RBFOX1: variants seen among roughly 807,000 people sequenced by gnomAD.
RBFOX1 encodes RNA binding fox-1 homolog 1.
A neutral mutation model predicts 57.7 loss-of-function variants in RBFOX1; 8 were observed. The ratio of observed to expected loss-of-function variants is 0.14; its 90% confidence interval spans 0.08 to 0.25. The LOEUF (loss-of-function observed/expected upper bound fraction) is 0.25, where lower values mean the gene tolerates loss of function less well. Ranked by LOEUF, RBFOX1 falls within the 10% of genes least tolerant of loss-of-function variation. RBFOX1 has a pLI of 1.00. For missense variants in RBFOX1, 611 were observed against 548.5 expected (o/e 1.11, Z -1.14); for synonymous variants, 326 against 222.4 (o/e 1.47, Z -4.15).
At chr16:5,941,029 G>C (rs1025685534) in intron 4 of RBFOX1, among the ~76,000 whole-genome samples, 2 of 152,160 alleles carry the variant, frequency 1.3e-5, no homozygotes, top group African/African-American at 4.8e-5. Flanking sequence ...TCTACTGGTG[G>C]GTTGTTGTGA....
intron 3 of RBFOX1, among the ~76,000 whole-genome samples, chr16:5,755,471 G>C (rs867100193): frequency 6.6e-6 from 1 of 152,210 alleles, no homozygotes; most frequent in Non-Finnish European, 1.5e-5. Context: ...GCATGTGGCT[G>C]TTGAGTGTTA....
intron 4 of RBFOX1, 57 bp from the exon 5 acceptor site, chr16:7,518,090 C>G (rs2076759920): frequency 6.4e-7 from 1 of 1,562,148 alleles, no homozygotes. Flanking sequence ...AGGAAGGTTT[C>G]TGCATGGTGG....
chr16:7,139,920 G>A (rs1357678089), intron 4 of RBFOX1, among the ~76,000 whole-genome samples: 3 of 152,082 alleles, frequency 2.0e-5, no homozygotes, highest in Non-Finnish European at 4.4e-5. Context: ...GGAGGAAGAA[G>A]GTAAAGACAT....
chr16:6,491,096 A>T (rs1016083469), intron 2 of RBFOX1, among the ~76,000 whole-genome samples: 1 of 152,112 alleles, frequency 6.6e-6, no homozygotes, highest in Non-Finnish European at 1.5e-5. Context: ...AATTTAAATT[A>T]TACGTGTATA....
chr16:6,135,785 CTTTTTTTTTT>C (rs35563303), intron 1 of RBFOX1, among the ~76,000 whole-genome samples: 9 of 85,024 alleles, frequency 1.1e-4, no homozygotes, highest in Middle Eastern at 6.8e-3. Flanking sequence ...CTCGTTTCGA[CTTTTTTTTTT>C]TTTTTTTTTT....
intron 3 of RBFOX1, among the ~76,000 whole-genome samples, chr16:5,624,989 C>G (rs61569460): frequency 0.021 from 3,266 of 152,300 alleles, 51 homozygotes; most frequent in Middle Eastern, 0.054. Context: ...GAGGGTGACT[C>G]TCGGGCCAGA....
At chr16:6,605,684 A>T (rs1183944655) in intron 2 of RBFOX1, among the ~76,000 whole-genome samples, 1 of 152,254 alleles carries the variant, frequency 6.6e-6, no homozygotes, top group Non-Finnish European at 1.5e-5. Context: ...GCTCCCCGCC[A>T]GGCTCTGGGC....
chr16:7,366,906 C>T (rs897813272), intron 4 of RBFOX1, among the ~76,000 whole-genome samples: 1 of 152,038 alleles, frequency 6.6e-6, no homozygotes, highest in Non-Finnish European at 1.5e-5. Flanking sequence ...TTTTCATCCC[C>T]CCAAATCATT....
chr16:5,341,568 G>A, intron 1 of RBFOX1, among the ~76,000 whole-genome samples: 1 of 152,204 alleles, frequency 6.6e-6, no homozygotes, highest in Non-Finnish European at 1.5e-5. Context: ...CCATGGCCCA[G>A]CTTCATGGAC....
chr16:7,153,141 T>C (rs949698281), intron 4 of RBFOX1, among the ~76,000 whole-genome samples: 1 of 152,138 alleles, frequency 6.6e-6, no homozygotes, highest in Admixed American at 6.5e-5. Flanking sequence ...AGCAGCTGAA[T>C]ATCCTCCTTT....
chr16:6,110,699 G>A (rs1305811102), intron 1 of RBFOX1, among the ~76,000 whole-genome samples: 1 of 152,168 alleles, frequency 6.6e-6, no homozygotes, highest in Non-Finnish European at 1.5e-5. Flanking sequence ...CTCAAGAACT[G>A]TATAATCCAG....
intron 4 of RBFOX1, among the ~76,000 whole-genome samples, chr16:6,003,234 G>A (rs923240122): frequency 2.7e-5 from 4 of 149,820 alleles, no homozygotes; most frequent in South Asian, 2.1e-4. Context: ...AGCCGAGATC[G>A]CGCCACTGCA....
intron 4 of RBFOX1, among the ~76,000 whole-genome samples, chr16:7,368,579 C>G (rs992233901): frequency 7.2e-5 from 11 of 151,876 alleles, no homozygotes; most frequent in African/African-American, 2.7e-4. Flanking sequence ...GAGATCAAGA[C>G]CATCCTGGCT....
chr16:6,973,017 G>A (rs1420273767), intron 3 of RBFOX1, among the ~76,000 whole-genome samples: 1 of 152,122 alleles, frequency 6.6e-6, no homozygotes. Flanking sequence ...TGTAATCCCA[G>A]CTACTTGGGA....
At chr16:5,358,866 A>G (rs9935141) in intron 1 of RBFOX1, among the ~76,000 whole-genome samples, 568 of 152,308 alleles carry the variant, frequency 3.7e-3, no homozygotes, top group African/African-American at 0.013. Context: ...CATATTGACT[A>G]TAGTCACCTC....
chr16:7,227,680 C>T (rs776986921), intron 4 of RBFOX1, among the ~76,000 whole-genome samples: 2 of 152,124 alleles, frequency 1.3e-5, no homozygotes, highest in African/African-American at 4.8e-5. Flanking sequence ...TGGGTCCTTC[C>T]AGCGGGCATT....
intron 3 of RBFOX1, among the ~76,000 whole-genome samples, chr16:6,830,230 T>C (rs1032051228): frequency 9.9e-5 from 15 of 152,206 alleles, no homozygotes; most frequent in Admixed American, 8.5e-4. Context: ...TGTATTTTCT[T>C]AATGTGTGTG....
At chr16:6,093,253 T>G (rs2096201791) in intron 1 of RBFOX1, among the ~76,000 whole-genome samples, 1 of 152,148 alleles carries the variant, frequency 6.6e-6, no homozygotes, top group Non-Finnish European at 1.5e-5. Context: ...CAACATGTTA[T>G]TATTCAATAA....
chr16:5,473,485 C>G (rs2069208991), intron 2 of RBFOX1, among the ~76,000 whole-genome samples: 1 of 152,012 alleles, frequency 6.6e-6, no homozygotes, highest in African/African-American at 2.4e-5. Context: ...ATTCCATTCC[C>G]AGTACCTTGT....
Sources: gnomAD v4.1 joint callset for allele counts (sites outside exome capture counted in the v4.1 genomes callset) on GRCh38, gnomAD v4.1.1 for gene constraint, MANE v1.5 for transcripts, NCBI Gene and HGNC (gene_info 2026-07-23, HGNC 2026-07-21) for gene names.